Variants in STT3B observed in about 807,000 individuals in gnomAD.
The protein encoded by STT3B is STT3 oligosaccharyltransferase complex catalytic subunit B, also known as dolichyl-diphosphooligosaccharide--protein glycosyltransferase subunit STT3B.
STT3B carries 29 observed loss-of-function variants against 96.8 expected under a neutral mutation model. That is an observed-to-expected ratio of 0.30 (90% CI 0.22 to 0.41). The LOEUF is 0.41. Among genes scored for constraint, STT3B ranks in the 10% least tolerant of loss-of-function variants. The pLI is 1.00. For synonymous variants in STT3B, 367 were observed against 360.0 expected (o/e 1.02, Z -0.22); for missense variants, 640 against 1,022.3 (o/e 0.63, Z 5.10).
chr3:31,585,545 G>T (rs576076763), intron 3 of STT3B, among the ~76,000 whole-genome samples: 3 of 151,892 alleles, frequency 2.0e-5, no homozygotes, highest in Non-Finnish European at 4.4e-5. Flanking sequence ...TTATCATATT[G>T]CCTCTTACAG....
intron 1 of STT3B, among the ~76,000 whole-genome samples, chr3:31,534,756 C>T (rs1253561366): frequency 1.3e-5 from 2 of 152,176 alleles, no homozygotes; most frequent in Non-Finnish European, 2.9e-5. Context: ...TGACAGTCTT[C>T]CATGAAATGT....
chr3:31,587,994 G>A (rs1698581362), intron 3 of STT3B, among the ~76,000 whole-genome samples: 1 of 152,038 alleles, frequency 6.6e-6, no homozygotes, highest in Admixed American at 6.6e-5. Context: ...TTGCTTATTT[G>A]CCTTGTGACT....
intron 11 of STT3B, 132 bp from the exon 12 acceptor site, chr3:31,624,782 G>C: frequency 5.1e-6 from 3 of 591,574 alleles, no homozygotes; most frequent in South Asian, 3.0e-5. Flanking sequence ...TTTCTCATTG[G>C]TAGAGGCTTT....
intron 1 of STT3B, among the ~76,000 whole-genome samples, chr3:31,535,749 A>AT (rs1324131585): frequency 3.9e-5 from 6 of 152,168 alleles, no homozygotes; most frequent in Admixed American, 3.9e-4. Context: ...GTTTTGCTTC[A>AT]TTTTTTATAT....
chr3:31,632,588 A>G (rs1041197279), intron 14 of STT3B, among the ~76,000 whole-genome samples: 4 of 152,086 alleles, frequency 2.6e-5, no homozygotes, highest in African/African-American at 9.7e-5. Context: ...GCCCTGAAAC[A>G]GAAAAGAAGC....
At chr3:31,599,146 G>T (rs1698866107) in intron 4 of STT3B, among the ~76,000 whole-genome samples, 3 of 151,928 alleles carry the variant, frequency 2.0e-5, no homozygotes, top group African/African-American at 7.3e-5. Flanking sequence ...TTAAGATTGG[G>T]GTTCAGTATT....
intron 1 of STT3B, among the ~76,000 whole-genome samples, chr3:31,543,665 C>A (rs546521152): frequency 5.9e-5 from 9 of 152,116 alleles, no homozygotes; most frequent in Middle Eastern, 3.2e-3. Flanking sequence ...TCATATTATT[C>A]TTTATAGAAG....
intron 3 of STT3B, among the ~76,000 whole-genome samples, chr3:31,595,052 C>T (rs1698755864): frequency 6.6e-6 from 1 of 152,124 alleles, no homozygotes. Flanking sequence ...GCATGGACAA[C>T]CTTGTCAAAA....
chr3:31,580,867 A>T (rs1213938136), intron 3 of STT3B, among the ~76,000 whole-genome samples: 1 of 151,852 alleles, frequency 6.6e-6, no homozygotes, highest in Non-Finnish European at 1.5e-5. Context: ...AAGCAGTAGG[A>T]TGTTGCCAGT....
At chr3:31,583,733 AT>A (rs1698467897) in intron 3 of STT3B, among the ~76,000 whole-genome samples, 1 of 151,772 alleles carries the variant, frequency 6.6e-6, no homozygotes, top group African/African-American at 2.4e-5. Context: ...AGAGGTACTG[AT>A]TTCTGTGGTT....
In STT3B at chr3:31,590,696, G is replaced by T. The variant is rs181628484; in HGVS notation, c.712-6102G>T. Among the ~76,000 whole-genome samples the T allele has an allele frequency of 2.6e-5, 4 of 152,142 alleles. No individual in the cohort carries two copies. The East Asian group carries it at 7.7e-4, about 29-fold the overall frequency. ...GTTTTATGGTCTAGCACAGAAGTCT[G>T]TGAAGTATGGCCCATATGTAGGTTA... is the stretch of plus-strand genomic sequence containing the variant. On this transcript the variant is annotated intron_variant, in intron 3 of 15. Coordinates refer to ENST00000295770, the MANE Select transcript of STT3B (RefSeq NM_178862.3).
At chr3:31,581,366 AC>A (rs1698379737) in intron 3 of STT3B, among the ~76,000 whole-genome samples, 3 of 152,202 alleles carry the variant, frequency 2.0e-5, no homozygotes, top group African/African-American at 7.2e-5. Context: ...TAGGTTCATA[AC>A]TATTTTAATA....
At chr3:31,546,504 A>G (rs1210291980) in intron 1 of STT3B, among the ~76,000 whole-genome samples, 1 of 152,212 alleles carries the variant, frequency 6.6e-6, no homozygotes, top group Non-Finnish European at 1.5e-5. Context: ...AGGTCAACTA[A>G]GGGTTAAGCT....
At chr3:31,591,551 T>G (rs1299423702) in intron 3 of STT3B, among the ~76,000 whole-genome samples, 1 of 152,164 alleles carries the variant, frequency 6.6e-6, no homozygotes, top group African/African-American at 2.4e-5. Context: ...TAGCGCTTGA[T>G]GCAGAGAACG....
intron 3 of STT3B, among the ~76,000 whole-genome samples, chr3:31,594,582 A>C (rs1698744088): frequency 6.6e-6 from 1 of 151,900 alleles, no homozygotes; most frequent in South Asian, 2.1e-4. Flanking sequence ...GTCGTGCACC[A>C]CCACGCTCAG....
chr3:31,540,078 A>G (rs956433862), intron 1 of STT3B, among the ~76,000 whole-genome samples: 4 of 152,162 alleles, frequency 2.6e-5, no homozygotes, highest in African/African-American at 9.7e-5. Context: ...TGTTTGCTGT[A>G]GAAGGGAATA....
chr3:31,581,595 G>GC (rs1698385727), intron 3 of STT3B, among the ~76,000 whole-genome samples: 1 of 152,056 alleles, frequency 6.6e-6, no homozygotes, highest in African/African-American at 2.4e-5. Flanking sequence ...AATTTGGTTT[G>GC]CTAGTATTTT....
intron 3 of STT3B, among the ~76,000 whole-genome samples, chr3:31,588,370 G>A (rs1391592284): frequency 6.6e-6 from 1 of 151,872 alleles, no homozygotes; most frequent in East Asian, 1.9e-4. Context: ...GTTAGGAAAT[G>A]TTAACTTATT....
At chr3:31,624,604 C>G (rs182834991) in intron 11 of STT3B, among the ~76,000 whole-genome samples, 142 of 151,348 alleles carry the variant, frequency 9.4e-4, no homozygotes, top group Non-Finnish European at 2.9e-4. Context: ...ACTACTCTTT[C>G]ACTTGGGAGC....
Sources: gnomAD v4.1 joint callset for allele counts (sites outside exome capture counted in the v4.1 genomes callset) on GRCh38, gnomAD v4.1.1 for gene constraint, MANE v1.5 for transcripts, NCBI Gene and HGNC (gene_info 2026-07-23, HGNC 2026-07-21) for gene names.